Variants in CNMD observed in about 807,000 individuals in gnomAD.
CNMD encodes leukocyte cell-derived chemotaxin 1.
CNMD carries 30 observed loss-of-function variants against 37.5 expected under a neutral mutation model. The observed-to-expected ratio is 0.80, with a 90% CI of 0.60 to 1.09. The LOEUF (loss-of-function observed/expected upper bound fraction) is 1.09. Among genes scored for constraint, CNMD ranks in the 50% least tolerant of loss-of-function variants. CNMD has a pLI of 0.00. For missense variants in CNMD, 398 were observed against 423.9 expected (o/e 0.94, Z 0.54); for synonymous variants, 167 against 148.2 (o/e 1.13, Z -0.92).
At chr13:52,706,348 T>G (rs1299203861) in intron 6 of CNMD, among the ~76,000 whole-genome samples, 1 of 152,220 alleles carries the variant, frequency 6.6e-6, no homozygotes, top group African/African-American at 2.4e-5. Context: ...CATGCTTCGG[T>G]ATTTATGCTA....
chr13:52,719,466 G>A lies in CNMD; in HGVS notation c.468+4531C>T, dbSNP rs372639281. Among the ~76,000 whole-genome samples the A allele has an allele frequency of 6.4e-4, 97 of 152,304 alleles. No homozygotes were observed. In the East Asian group the frequency reaches 0.012, roughly 19 times the overall value. On this transcript the variant is annotated intron_variant, in intron 4 of 6. Transcript: ENST00000377962. Reference sequence around the variant, plus strand: ...GTATGTTTTTGCAGTGGCTGGTACCGGTTTTTCTTTTCCATATTTAGTGCT... The same window carrying A: ...GTATGTTTTTGCAGTGGCTGGTACCAGTTTTTCTTTTCCATATTTAGTGCT...
chr13:52,728,818 G>A (rs753444093), intron 3 of CNMD, among the ~76,000 whole-genome samples: 1 of 152,102 alleles, frequency 6.6e-6, no homozygotes, highest in African/African-American at 2.4e-5. Context: ...TCGACACACC[G>A]CAGTGAGAAC....
intron 4 of CNMD, among the ~76,000 whole-genome samples, chr13:52,721,102 G>A (rs1042369378): frequency 7.9e-5 from 12 of 152,292 alleles, no homozygotes; most frequent in Admixed American, 7.2e-4. Flanking sequence ...TACACTGTGA[G>A]AGGAAAACTG....
At chr13:52,706,950 A>G (rs539700806) in intron 6 of CNMD, among the ~76,000 whole-genome samples, 138 of 152,192 alleles carry the variant, frequency 9.1e-4, no homozygotes, top group Non-Finnish European at 1.7e-3. Flanking sequence ...CTGGAGTGCA[A>G]TGGCGTGATC....
At chr13:52,706,768 T>C (rs770322162) in intron 6 of CNMD, among the ~76,000 whole-genome samples, 2 of 152,038 alleles carry the variant, frequency 1.3e-5, no homozygotes, top group African/African-American at 4.8e-5. Context: ...TGTGTACTTA[T>C]GCAAAGAAAC....
chr13:52,739,789 G>T lies in CNMD; in HGVS notation c.-88C>A. The T allele has an allele frequency of 8.5e-7, 1 of 1,173,962 alleles. No homozygotes were observed. The highest frequency in any genetic ancestry group is 1.3e-5 in the South Asian group (1 of 76,548). 72.7% of individuals were successfully genotyped at this position (1,173,962 alleles called of 1,614,324 possible). On this transcript the variant is annotated 5_prime_UTR_variant, in exon 1 of 7. Coordinates refer to ENST00000377962, the MANE Select transcript of CNMD (RefSeq NM_007015.3). The surrounding 1 kb of genome is among the most constrained non-coding windows in gnomAD (Gnocchi z 5.4). The stretch of plus-strand genomic sequence containing the variant: ...GCCCCGACGTGCAGGGCATTTCAAC[G>T]CCGCGCGCACACACGGTGCACGGTC...
intron 2 of CNMD, among the ~76,000 whole-genome samples, chr13:52,736,612 C>T (rs1466839059): frequency 6.6e-6 from 1 of 152,132 alleles, no homozygotes; most frequent in Non-Finnish European, 1.5e-5. Flanking sequence ...GCTCTAAGTC[C>T]GTGGAGCTGT....
intron 4 of CNMD, among the ~76,000 whole-genome samples, chr13:52,721,284 C>T (rs576721859): frequency 6.6e-6 from 1 of 152,360 alleles, no homozygotes; most frequent in African/African-American, 2.4e-5. Context: ...TCCCTGGCTT[C>T]AGCCCCCTTT....
At chr13:52,734,582 G>A (rs925572095) in intron 2 of CNMD, among the ~76,000 whole-genome samples, 5 of 149,278 alleles carry the variant, frequency 3.3e-5, no homozygotes, top group Admixed American at 3.3e-4. Flanking sequence ...TTTTTTTTTT[G>A]GATTTAGATG....
chr13:52,730,392 C>T (rs970687950), intron 3 of CNMD, among the ~76,000 whole-genome samples: 2 of 152,002 alleles, frequency 1.3e-5, no homozygotes, highest in African/African-American at 2.4e-5. Flanking sequence ...CCTGAGTAAT[C>T]GCCACACTGA....
chr13:52,735,948 G>A (rs1320596900), intron 2 of CNMD, among the ~76,000 whole-genome samples: 1 of 150,584 alleles, frequency 6.6e-6, no homozygotes, highest in African/African-American at 2.4e-5. Flanking sequence ...TCCTGCCTCA[G>A]CCTCCCAGGG....
At position 52,733,477 on chromosome 13, in the gene CNMD, TTAATAA is replaced by T. The variant is rs376668705; in HGVS notation, c.214-124_214-119del. 1.6e-3 allele frequency: 1,360 copies of T among 845,816 alleles called. 9 individuals carry two copies. In the African/African-American group the frequency reaches 0.016, roughly 10 times the overall value. The allele number at this position is 845,816 out of a possible 1,614,324, so 52.4% of individuals were successfully genotyped here. On this transcript the variant is annotated intron_variant, in intron 2 of 6. Transcript: ENST00000377962. ...GTTTCAGAGATACATGAGATAGTCC[TTAATAA>T]TAATACATTTATATATGATGACTTC... is the stretch of plus-strand genomic sequence containing the variant.
At chr13:52,720,149 C>T (rs1252197237) in intron 4 of CNMD, among the ~76,000 whole-genome samples, 3 of 152,094 alleles carry the variant, frequency 2.0e-5, no homozygotes, top group Admixed American at 6.5e-5. Context: ...GTATGGTTCA[C>T]GAAGTTCTCG....
intron 4 of CNMD, among the ~76,000 whole-genome samples, chr13:52,716,526 A>G (rs909782905): frequency 3.3e-5 from 5 of 152,126 alleles, no homozygotes; most frequent in Non-Finnish European, 7.3e-5. Context: ...AATTTTGTAT[A>G]AGGTGTAAGG....
chr13:52,735,647 C>T (rs906904608), intron 2 of CNMD, among the ~76,000 whole-genome samples: 3 of 150,270 alleles, frequency 2.0e-5, no homozygotes, highest in Non-Finnish European at 4.4e-5. Context: ...AATACACTAA[C>T]ACTAACGATA....
At chr13:52,726,772 AG>A (rs1363398247) in intron 3 of CNMD, among the ~76,000 whole-genome samples, 1 of 152,186 alleles carries the variant, frequency 6.6e-6, no homozygotes, top group African/African-American at 2.4e-5. Flanking sequence ...ATGAAATCCC[AG>A]AAAAAAAATT....
chr13:52,735,411 G>A (rs907844238), intron 2 of CNMD, among the ~76,000 whole-genome samples: 1 of 152,080 alleles, frequency 6.6e-6, no homozygotes, highest in Non-Finnish European at 1.5e-5. Context: ...TACTAGTAAA[G>A]CAATGCAACA....
At chr13:52,724,459 C>T (rs901660173) in intron 3 of CNMD, among the ~76,000 whole-genome samples, 7 of 145,074 alleles carry the variant, frequency 4.8e-5, no homozygotes, top group East Asian at 2.0e-4. Flanking sequence ...GGCGTGGTGG[C>T]GGGCGCCTGT....
At chr13:52,738,962 G>A in intron 2 of CNMD, 69 bp downstream of exon 2, 1 of 1,363,358 alleles carries the variant, frequency 7.3e-7, no homozygotes, top group Non-Finnish European at 9.4e-7. Flanking sequence ...TCGCCGGCCC[G>A]CGCTCGGGCT....
Sources: allele counts gnomAD v4.1 joint callset (sites outside exome capture counted in the v4.1 genomes callset), GRCh38; gene constraint gnomAD v4.1.1; non-coding constraint Gnocchi (gnomAD v3.1); transcripts MANE v1.5; gene names NCBI Gene and HGNC (gene_info 2026-07-23, HGNC 2026-07-21).